Variants in FAM135B observed in about 807,000 individuals in gnomAD.
FAM135B encodes the protein family with sequence similarity 135 member B.
Under a neutral mutation model 127.7 loss-of-function variants are expected in FAM135B, and 43 were observed. The observed-to-expected ratio is 0.34, with a 90% CI of 0.26 to 0.43. The LOEUF (loss-of-function observed/expected upper bound fraction) is 0.43. FAM135B is among the 20% of genes least tolerant of loss of function. The pLI is 1.00. For missense variants in FAM135B, 1,558 were observed against 1,725.6 expected, an observed-to-expected ratio of 0.90 and a Z score of 1.72; for synonymous variants, 670 against 665.1, an observed-to-expected ratio of 1.01 and a Z score of -0.11.
intron 1 of FAM135B, among the ~76,000 whole-genome samples, chr8:138,410,436 A>G (rs1320309046): frequency 6.6e-6 from 1 of 152,174 alleles, no homozygotes; most frequent in Non-Finnish European, 1.5e-5. Context: ...TGCCTTATGG[A>G]ACTGGCGATA....
intron 7 of FAM135B, among the ~76,000 whole-genome samples, chr8:138,238,975 G>C (rs964767239): frequency 6.6e-6 from 1 of 152,142 alleles, no homozygotes; most frequent in Non-Finnish European, 1.5e-5. Context: ...ATCTGAGTCT[G>C]GTCAAAGACA....
intron 2 of FAM135B, among the ~76,000 whole-genome samples, chr8:138,332,659 T>G (rs1238272597): frequency 6.6e-6 from 1 of 151,654 alleles, no homozygotes; most frequent in Non-Finnish European, 1.5e-5. Context: ...AGCAGGGGCG[T>G]GTGGTGCATT....
intron 4 of FAM135B, among the ~76,000 whole-genome samples, chr8:138,260,547 T>C (rs1822462320): frequency 6.6e-6 from 1 of 152,004 alleles, no homozygotes; most frequent in Non-Finnish European, 1.5e-5. Context: ...TACCCTGGAG[T>C]ATCAGTAACT....
chr8:138,239,667 A>G (rs1820577121), intron 7 of FAM135B, among the ~76,000 whole-genome samples: 1 of 152,228 alleles, frequency 6.6e-6, no homozygotes, highest in African/African-American at 2.4e-5. Context: ...CCAAAGGATT[A>G]TAAATCATGC....
At chr8:138,240,604 T>C (rs1586856607) in intron 7 of FAM135B, among the ~76,000 whole-genome samples, 1 of 152,122 alleles carries the variant, frequency 6.6e-6, no homozygotes, top group Non-Finnish European at 1.5e-5. Context: ...GCCCTAGGGA[T>C]GGGGAGCTGA....
chr8:138,415,643 G>A (rs570756123), intron 1 of FAM135B, among the ~76,000 whole-genome samples: 18 of 152,262 alleles, frequency 1.2e-4, no homozygotes, highest in South Asian at 8.3e-4. Context: ...GAAAAAAGCC[G>A]AGGATGACTT....
intron 12 of FAM135B, among the ~76,000 whole-genome samples, chr8:138,158,360 C>G (rs919378819): frequency 3.3e-5 from 5 of 152,068 alleles, no homozygotes; most frequent in African/African-American, 1.2e-4. Flanking sequence ...AGAAGAAAAC[C>G]TAGGCAATAC....
intron 1 of FAM135B, among the ~76,000 whole-genome samples, chr8:138,485,547 A>AC (rs1814951991): frequency 6.6e-6 from 1 of 152,222 alleles, no homozygotes; most frequent in African/African-American, 2.4e-5. Flanking sequence ...TGCAAATTTT[A>AC]TTAAAAATTC....
chr8:138,382,416 G>A (rs147714411), intron 1 of FAM135B, among the ~76,000 whole-genome samples: 3 of 152,192 alleles, frequency 2.0e-5, no homozygotes, highest in Non-Finnish European at 4.4e-5. Flanking sequence ...GGCCTCTCTT[G>A]AGGGTTCAGT....
intron 1 of FAM135B, among the ~76,000 whole-genome samples, chr8:138,457,537 G>A (rs563818501): frequency 4.6e-5 from 7 of 152,292 alleles, no homozygotes; most frequent in Admixed American, 4.6e-4. Flanking sequence ...TTTACACTGA[G>A]CTGGTGACTC....
intron 2 of FAM135B, among the ~76,000 whole-genome samples, chr8:138,317,790 A>G (rs1827198095): frequency 6.6e-6 from 1 of 152,250 alleles, no homozygotes; most frequent in Non-Finnish European, 1.5e-5. Context: ...TTCGATGGAT[A>G]TACGGGACAA....
chr8:138,160,280 A>T (rs1819231401), intron 12 of FAM135B, among the ~76,000 whole-genome samples: 1 of 152,114 alleles, frequency 6.6e-6, no homozygotes, highest in Admixed American at 6.6e-5. Context: ...ATTCTAACAA[A>T]TTATTGAACC....
intron 4 of FAM135B, among the ~76,000 whole-genome samples, chr8:138,265,229 T>A (rs562914293): frequency 7.9e-5 from 12 of 152,256 alleles, no homozygotes; most frequent in African/African-American, 2.9e-4. Context: ...TCCACAGAGA[T>A]CATTTCTCAC....
intron 5 of FAM135B, among the ~76,000 whole-genome samples, chr8:138,252,956 C>A (rs994349165): frequency 6.6e-6 from 1 of 152,062 alleles, no homozygotes; most frequent in African/African-American, 2.4e-5. Flanking sequence ...TGCACCACCA[C>A]GCCCAGCTAA....
At chr8:138,223,183 G>C (rs1230461556) in intron 7 of FAM135B, among the ~76,000 whole-genome samples, 1 of 152,132 alleles carries the variant, frequency 6.6e-6, no homozygotes, top group African/African-American at 2.4e-5. Flanking sequence ...GGGTTATCAC[G>C]GGGTTAAACA....
chr8:138,252,103 G>A (rs1031137917), intron 5 of FAM135B, among the ~76,000 whole-genome samples: 1 of 152,188 alleles, frequency 6.6e-6, no homozygotes, highest in Non-Finnish European at 1.5e-5. Context: ...CCTGGTACCA[G>A]AAAGAAACCT....
rs151180278 is a variant in FAM135B at position 138,156,305 on chromosome 8, G to T, written c.1259-3089C>A. On this transcript the variant is annotated intron_variant, in intron 12 of 19. Transcript: ENST00000395297. ...GGGACACATTTAAGCAGTGTGTAGA[G>T]GGAAATTCATAGCACTAAATGCCCA... 4.1e-3 allele frequency among the ~76,000 whole-genome samples: 627 copies of T among 152,252 alleles called. 7 individuals carry two copies. The highest frequency in any genetic ancestry group is 0.014 in the African/African-American group (592 of 41,560).
intron 1 of FAM135B, among the ~76,000 whole-genome samples, chr8:138,486,747 A>T (rs1474113515): frequency 2.6e-5 from 4 of 152,110 alleles, no homozygotes; most frequent in Non-Finnish European, 5.9e-5. Flanking sequence ...GTTTCAACTG[A>T]AGGTACCTGC....
intron 7 of FAM135B, among the ~76,000 whole-genome samples, chr8:138,201,659 T>C (rs2131169007): frequency 6.6e-6 from 1 of 152,244 alleles, no homozygotes; most frequent in African/African-American, 2.4e-5. Context: ...CTGCGCCATT[T>C]TCCCTAGCAC....
Sources: allele counts gnomAD v4.1 joint callset (sites outside exome capture counted in the v4.1 genomes callset), GRCh38; gene constraint gnomAD v4.1.1; transcripts MANE v1.5; gene names NCBI Gene and HGNC (gene_info 2026-07-23, HGNC 2026-07-21).